UBE2D2: variants seen among roughly 807,000 people sequenced by gnomAD.
UBE2D2 encodes the protein ubiquitin-conjugating enzyme E2 D2.
UBE2D2 carries 2 observed loss-of-function variants against 24.2 expected under a neutral mutation model. That is an observed-to-expected ratio of 0.08 (90% CI 0.03 to 0.26). The LOEUF (loss-of-function observed/expected upper bound fraction) is 0.26. Among genes scored for constraint, UBE2D2 ranks in the 10% least tolerant of loss-of-function variants. The pLI, the probability that UBE2D2 is intolerant of heterozygous loss-of-function variation, is 1.00. For synonymous variants in UBE2D2, 58 were observed against 56.5 expected (o/e 1.03, Z -0.12); for missense variants, 44 against 177.6 (o/e 0.25, Z 4.28).
At chr5:139,577,404 C>CT (rs869189901) in intron 1 of UBE2D2, among the ~76,000 whole-genome samples, 5,865 of 69,218 alleles carry the variant, frequency 0.085, 431 homozygotes, top group Non-Finnish European at 0.1. Flanking sequence ...TAGCATCTCT[C>CT]TTTTTTTTTT....
intron 1 of UBE2D2, among the ~76,000 whole-genome samples, chr5:139,583,320 T>C (rs536797179): frequency 6.6e-6 from 1 of 152,294 alleles, no homozygotes; most frequent in East Asian, 1.9e-4. Context: ...ATTTTTTAAG[T>C]GTTTTCACTA....
At chr5:139,546,553 G>A (rs963943870) in intron 1 of UBE2D2, among the ~76,000 whole-genome samples, 4 of 150,916 alleles carry the variant, frequency 2.7e-5, no homozygotes, top group African/African-American at 9.8e-5. Flanking sequence ...TGAGATCTCA[G>A]CTCACTGTAA....
At chr5:139,530,569 A>AAACC (rs932654779) in intron 1 of UBE2D2, among the ~76,000 whole-genome samples, 1 of 152,238 alleles carries the variant, frequency 6.6e-6, no homozygotes, top group Admixed American at 6.5e-5. Flanking sequence ...ATTACTAATA[A>AAACC]AACCGGTCAA....
Position 139,586,915 on chromosome 5 carries a change from T to TA in UBE2D2, c.25-13450dup, listed in dbSNP as rs1180709522. Among the ~76,000 whole-genome samples the TA allele has an allele frequency of 3.3e-5, 5 of 152,304 alleles. No homozygotes were observed. In the East Asian group the frequency reaches 9.6e-4, roughly 29 times the overall value. ...AATATAGTGCCTTGTTTAGTTTTTA[T>TA]AAAAAAATCTTTTTAGAGACAGAGT... On this transcript the variant is annotated intron_variant, in intron 1 of 6. Transcript: ENST00000398733.
Position 139,562,078 on chromosome 5 carries a change from G to A in UBE2D2, c.24+263G>A, listed in dbSNP as rs988514743. On this transcript the variant is annotated intron_variant, in intron 1 of 6. Coordinates refer to ENST00000398733, the MANE Select transcript of UBE2D2 (RefSeq NM_003339.3). Reference sequence around the variant, plus strand: ...CAGGCCCGCATGGTGTGGACTCTTAGGGCTTCTCTCCAGTCTGGGACTGCC... The same window carrying A: ...CAGGCCCGCATGGTGTGGACTCTTAAGGCTTCTCTCCAGTCTGGGACTGCC... 5 of 889,182 alleles carry A rather than the reference G, an allele frequency of 5.6e-6. No homozygotes were observed. In the African/African-American group the frequency reaches 8.5e-5, roughly 15 times the overall value. 55.1% of individuals were successfully genotyped at this position (889,182 alleles called of 1,614,324 possible). A position where few individuals can be genotyped will look rare whatever the true frequency, so the allele number is the denominator to read the frequency against.
At chr5:139,623,552 G>A (rs969687687) in intron 6 of UBE2D2, 91 bp downstream of exon 6, 1 of 1,022,756 alleles carries the variant, frequency 9.8e-7, no homozygotes, top group African/African-American at 1.6e-5. Flanking sequence ...ATATCGGCCA[G>A]ATATTTAAAG....
intron 4 of UBE2D2, 22 bp downstream of exon 4, chr5:139,614,796 G>GT: frequency 1.9e-6 from 3 of 1,612,842 alleles, no homozygotes; most frequent in Non-Finnish European, 2.5e-6. Flanking sequence ...GAATGTGGCA[G>GT]TTTTTAATGT....
At chr5:139,589,718 A>C (rs1367764255) in intron 1 of UBE2D2, among the ~76,000 whole-genome samples, 1 of 152,230 alleles carries the variant, frequency 6.6e-6, no homozygotes, top group Non-Finnish European at 1.5e-5. Context: ...ATTAAATAGC[A>C]AATCATTTGT....
At chr5:139,530,979 G>A (rs1269703319) in intron 1 of UBE2D2, among the ~76,000 whole-genome samples, 1 of 152,088 alleles carries the variant, frequency 6.6e-6, no homozygotes, top group Non-Finnish European at 1.5e-5. Flanking sequence ...TTCAGCACAA[G>A]CATACTATGT....
At chr5:139,596,338 G>C (rs1753959130) in intron 1 of UBE2D2, among the ~76,000 whole-genome samples, 1 of 151,564 alleles carries the variant, frequency 6.6e-6, no homozygotes, top group African/African-American at 2.4e-5. Flanking sequence ...CTGTCACCCA[G>C]GCTGGAGTGC....
intron 5 of UBE2D2, among the ~76,000 whole-genome samples, chr5:139,621,246 A>T (rs1195843350): frequency 6.6e-6 from 1 of 152,228 alleles, no homozygotes; most frequent in Non-Finnish European, 1.5e-5. Flanking sequence ...CTGTCTCTAA[A>T]TAAATACATA....
intron 1 of UBE2D2, among the ~76,000 whole-genome samples, chr5:139,581,364 G>A (rs1008351544): frequency 6.6e-6 from 1 of 151,878 alleles, no homozygotes; most frequent in Non-Finnish European, 1.5e-5. Context: ...CAGGATAATC[G>A]CTTGAACCCA....
chr5:139,545,908 G>C (rs1230730014), intron 1 of UBE2D2, among the ~76,000 whole-genome samples: 4 of 151,518 alleles, frequency 2.6e-5, no homozygotes, highest in African/African-American at 9.7e-5. Context: ...ATTTTTTTAA[G>C]TAGAGATGGG....
intron 1 of UBE2D2, among the ~76,000 whole-genome samples, chr5:139,569,564 A>T (rs1753308502): frequency 6.6e-6 from 1 of 152,216 alleles, no homozygotes; most frequent in Admixed American, 6.5e-5. Flanking sequence ...TAAAGTTTTG[A>T]TGGTTAGATT....
chr5:139,557,473 C>T (rs964876549), upstream of UBE2D2, among the ~76,000 whole-genome samples: 2 of 152,070 alleles, frequency 1.3e-5, no homozygotes, highest in Non-Finnish European at 2.9e-5. Flanking sequence ...CCCAGCTGGA[C>T]GCAATGGCTC....
chr5:139,617,042 G>A (rs1754435115), intron 5 of UBE2D2, among the ~76,000 whole-genome samples: 1 of 152,044 alleles, frequency 6.6e-6, no homozygotes, highest in South Asian at 2.1e-4. Flanking sequence ...AATTAGCCAG[G>A]TGTGATGGTG....
At chr5:139,556,161 G>A (rs991424020) in intron 1 of UBE2D2, among the ~76,000 whole-genome samples, 1 of 151,786 alleles carries the variant, frequency 6.6e-6, no homozygotes, top group Non-Finnish European at 1.5e-5. Flanking sequence ...ACTTGAGCTC[G>A]GGAGGTAGAG....
chr5:139,576,895 G>T (rs1219282172), intron 1 of UBE2D2, among the ~76,000 whole-genome samples: 1 of 145,896 alleles, frequency 6.9e-6, no homozygotes, highest in African/African-American at 2.5e-5. Context: ...TTGGTGTTTT[G>T]AATAATTGTT....
intron 1 of UBE2D2, among the ~76,000 whole-genome samples, chr5:139,530,165 A>T (rs914175288): frequency 2.6e-5 from 4 of 152,212 alleles, no homozygotes; most frequent in Admixed American, 2.0e-4. Flanking sequence ...CACAGAAAGG[A>T]ATCCATTCAG....
Sources: allele counts gnomAD v4.1 joint callset (sites outside exome capture counted in the v4.1 genomes callset), GRCh38; gene constraint gnomAD v4.1.1; transcripts MANE v1.5; gene names NCBI Gene and HGNC (gene_info 2026-07-23, HGNC 2026-07-21).